Variants in CNGA3 observed in about 807,000 individuals in gnomAD.
The protein encoded by CNGA3 is cyclic nucleotide gated channel subunit alpha 3.
A neutral mutation model predicts 46.6 loss-of-function variants in CNGA3; 42 were observed. The ratio of observed to expected loss-of-function variants is 0.90; its 90% CI spans 0.70 to 1.17. CNGA3 has a LOEUF of 1.17. Ranked by LOEUF, CNGA3 falls within the 50% of genes most tolerant of loss-of-function variation. The probability of loss-of-function intolerance (pLI) is 0.00; values close to 1 mark genes in which losing one functional copy is unlikely to be tolerated. For synonymous variants in CNGA3, 394 were observed against 369.4 expected, an observed-to-expected ratio of 1.07 and a Z score of -0.76; for missense variants, 893 against 890.7, an observed-to-expected ratio of 1.00 and a Z score of -0.03.
intron 1 of CNGA3, among the ~76,000 whole-genome samples, chr2:98,358,804 C>T (rs1444656167): frequency 1.3e-5 from 2 of 152,156 alleles, no homozygotes; most frequent in Non-Finnish European, 2.9e-5. Flanking sequence ...TAGTGATGTA[C>T]ATTTTGCCCT....
chr2:98,382,817 G>A (rs1692568183), intron 4 of CNGA3, among the ~76,000 whole-genome samples: 1 of 152,192 alleles, frequency 6.6e-6, no homozygotes, highest in African/African-American at 2.4e-5. Context: ...GTAAAATTTG[G>A]GGAGATAGGA....
chr2:98,396,924 TG>T lies in CNGA3; in HGVS notation c.1756del (p.Glu586ArgfsTer21). 2 of 1,614,078 alleles carry T rather than the reference TG, an allele frequency of 1.2e-6. No homozygotes were observed. The highest frequency in any genetic ancestry group is 1.7e-6 in the Non-Finnish European group (2 of 1,180,024). ...TTCTGCCTCTCAAAGGACGATCTCA[TG>T]GAGGCCCTCACCGAGTACCCCGAAG... ...DLFCLSKDDL[M>X]EALTEYPEAK... On this transcript the variant is annotated frameshift_variant, in exon 8 of 8. Transcript: ENST00000272602. LOFTEE classifies it low-confidence loss of function (END_TRUNC).
At chr2:98,377,887 T>A in intron 3 of CNGA3, 87 bp downstream of exon 3, 1 of 1,356,014 alleles carries the variant, frequency 7.4e-7, no homozygotes, top group Non-Finnish European at 1.0e-6. Flanking sequence ...AAGTGCTAGA[T>A]GGGGGTGGAG....
chr2:98,389,715 C>G lies in CNGA3; in HGVS notation c.507C>G (p.Tyr169Ter). ...TGGACCCGTCCAGCAACCTGTACTA[C>G]CGCTGGCTGACCGCCATCGCCCTGC... ...IVVDPSSNLYYRWLTAIALPV... is the reference protein window; with the variant it reads ...IVVDPSSNLY Residue 169 changes from tyrosine to a stop codon, truncating the protein, a stop_gained, in exon 6 of 8, where the codon TAC becomes TAG. Transcript: ENST00000272602. LOFTEE classifies it high-confidence loss of function. The G allele has an allele frequency of 6.2e-7, 1 of 1,613,790 alleles. No homozygotes were observed. The highest frequency in any genetic ancestry group is 8.5e-7 in the Non-Finnish European group (1 of 1,180,026).
intron 2 of CNGA3, among the ~76,000 whole-genome samples, chr2:98,373,297 A>G (rs1692329279): frequency 6.6e-6 from 1 of 152,254 alleles, no homozygotes; most frequent in Admixed American, 6.5e-5. Context: ...CAGGAGAAAT[A>G]GTGTTTGGAC....
At chr2:98,374,611 C>G (rs540265978) in intron 2 of CNGA3, among the ~76,000 whole-genome samples, 7 of 152,306 alleles carry the variant, frequency 4.6e-5, no homozygotes, top group African/African-American at 1.7e-4. Context: ...CTTGGGGACT[C>G]CAAATGTCAC....
At chr2:98,364,180 C>T (rs1355642006) in intron 1 of CNGA3, among the ~76,000 whole-genome samples, 1 of 152,124 alleles carries the variant, frequency 6.6e-6, no homozygotes, top group Non-Finnish European at 1.5e-5. Context: ...AAGTTCAAGA[C>T]TAGCCTGGCC....
At position 98,397,013 on chromosome 2, in the gene CNGA3, G is replaced by A; in HGVS notation, c.1843G>A (p.Glu615Lys). 1 of 1,614,040 alleles carries A rather than the reference G, an allele frequency of 6.2e-7. No individual in the cohort carries two copies. Among genetic ancestry groups the A allele is most frequent in the South Asian group, 1.1e-5 (1 of 91,074 alleles). Residue 615 changes from glutamate (E) to lysine (K), a missense_variant, in exon 8 of 8, where the codon GAG (glutamate) becomes AAG (lysine). Glu to Lys is a moderately conservative substitution (Grantham distance 56, BLOSUM62 1). Coordinates refer to ENST00000272602, the MANE Select transcript of CNGA3 (RefSeq NM_001298.3). ...ILMKDNLIDE[E>K]LARAGADPKD... ...GATGAAAGACAACCTGATCGATGAG[G>A]AGCTGGCCAGGGCGGGCGCGGACCC...
At chr2:98,383,244 C>A in intron 4 of CNGA3, 144 bp from the exon 5 acceptor site, 1 of 789,798 alleles carries the variant, frequency 1.3e-6, no homozygotes, top group East Asian at 2.7e-5. Context: ...ACAATACCAC[C>A]CCGTATTCTT....
At chr2:98,359,820 G>A (rs1195352014) in intron 1 of CNGA3, among the ~76,000 whole-genome samples, 1 of 152,230 alleles carries the variant, frequency 6.6e-6, no homozygotes, top group Non-Finnish European at 1.5e-5. Context: ...GTGCAAGCTG[G>A]TGCACTCAGG....
intron 1 of CNGA3, among the ~76,000 whole-genome samples, chr2:98,351,762 C>A (rs10190679): frequency 5.3e-5 from 8 of 152,014 alleles, no homozygotes; most frequent in Non-Finnish European, 1.2e-4. Flanking sequence ...GCATTTCTCC[C>A]CTTTATTATG....
rs181334028 is a variant in CNGA3 at position 98,392,155 on chromosome 2, C to T, written c.673+185C>T. ...TTCTACACGGAACCCTTGGACAGGA[C>T]GCTGAGCAGGGGCCAGGACACCTAA... On this transcript the variant is annotated intron_variant, in intron 7 of 7. Coordinates refer to ENST00000272602, the MANE Select transcript of CNGA3 (RefSeq NM_001298.3). Among the ~76,000 whole-genome samples, 208 of 152,268 alleles carry T rather than the reference C, an allele frequency of 1.4e-3. 1 individual carries two copies. Among genetic ancestry groups the T allele is most frequent in the African/African-American group, 4.6e-3 (191 of 41,536 alleles).
chr2:98,361,704 C>CTTTTTTT (rs1230449113), intron 1 of CNGA3, among the ~76,000 whole-genome samples: 1 of 108,912 alleles, frequency 9.2e-6, no homozygotes, highest in African/African-American at 3.5e-5. Flanking sequence ...CTTTTCTTGA[C>CTTTTTTT]TTTTTTTTTT....
At chr2:98,374,490 C>G (rs1264332360) in intron 2 of CNGA3, among the ~76,000 whole-genome samples, 4 of 152,176 alleles carry the variant, frequency 2.6e-5, no homozygotes, top group Non-Finnish European at 1.5e-5. Context: ...AGCCATTGCC[C>G]CAGGCCCTTC....
intron 2 of CNGA3, among the ~76,000 whole-genome samples, chr2:98,376,526 A>C (rs1168853429): frequency 6.6e-6 from 1 of 152,142 alleles, no homozygotes; most frequent in Non-Finnish European, 1.5e-5. Flanking sequence ...CAGCCCAGGC[A>C]GACCGGGGCA....
rs1692580452 is a variant in CNGA3 at position 98,383,398 on chromosome 2, C to T, written c.406C>T (p.Leu136=). The T allele has an allele frequency of 1.9e-6, 3 of 1,614,134 alleles. No homozygotes were observed. In the East Asian group the frequency reaches 6.7e-5, roughly 36 times the overall value. Residue 136 remains leucine (L), a synonymous_variant, in exon 5 of 8, where the codon CTG becomes TTG. Transcript: ENST00000272602. ...TCTACCTTCCCGCAGCGCCTGGCCC[C>T]TGGCCAAATGCAACACTAACACCAG... ...PADRGRSAWP[L]AKCNTNTSNN...
At chr2:98,378,895 C>T (rs1692474948) in intron 3 of CNGA3, among the ~76,000 whole-genome samples, 1 of 152,238 alleles carries the variant, frequency 6.6e-6, no homozygotes, top group African/African-American at 2.4e-5. Flanking sequence ...TGCATGTCCC[C>T]TCCATTCTGG....
intron 1 of CNGA3, among the ~76,000 whole-genome samples, chr2:98,366,325 C>A (rs1692150113): frequency 6.6e-6 from 1 of 152,146 alleles, no homozygotes; most frequent in Non-Finnish European, 1.5e-5. Context: ...CAAGAACGTG[C>A]CTGTTTAAGA....
At chr2:98,384,949 A>G (rs965773136) in intron 5 of CNGA3, among the ~76,000 whole-genome samples, 7 of 151,854 alleles carry the variant, frequency 4.6e-5, no homozygotes, top group African/African-American at 1.7e-4. Flanking sequence ...ACCTTCCCCG[A>G]CTCTTCACTC....
Sources: gnomAD v4.1 joint callset for allele counts (sites outside exome capture counted in the v4.1 genomes callset) on GRCh38, gnomAD v4.1.1 for gene constraint, MANE v1.5 for transcripts, NCBI Gene and HGNC (gene_info 2026-07-23, HGNC 2026-07-21) for gene names.